CNTNAP2: variants seen among roughly 807,000 people sequenced by gnomAD.
The protein encoded by CNTNAP2 is contactin-associated protein-like 2.
In CNTNAP2, 98 loss-of-function variants were observed where a neutral mutation model predicts 155.2. The ratio of observed to expected loss-of-function variants is 0.63; its 90% CI spans 0.54 to 0.75. The LOEUF (loss-of-function observed/expected upper bound fraction) is 0.75, where lower values mean the gene tolerates loss of function less well. Among genes scored for constraint, CNTNAP2 ranks in the 30% least tolerant of loss-of-function variants. The pLI is 0.00. For synonymous variants in CNTNAP2, 651 were observed against 631.2 expected (o/e 1.03, Z -0.47); for missense variants, 1,727 against 1,688.1 (o/e 1.02, Z -0.40).
At chr7:147,287,606 G>C (rs746967978) in intron 8 of CNTNAP2, among the ~76,000 whole-genome samples, 4 of 141,636 alleles carry the variant, frequency 2.8e-5, no homozygotes, top group Admixed American at 1.4e-4. Flanking sequence ...ATCTTGCCCC[G>C]TGACTTACAC....
intron 13 of CNTNAP2, among the ~76,000 whole-genome samples, chr7:147,869,888 A>G (rs1487429814): frequency 1.3e-5 from 2 of 152,206 alleles, no homozygotes; most frequent in Non-Finnish European, 2.9e-5. Flanking sequence ...TAAATTGATT[A>G]TCTTGATCTT....
At chr7:147,459,927 G>A (rs1340269084) in intron 10 of CNTNAP2, among the ~76,000 whole-genome samples, 1 of 152,100 alleles carries the variant, frequency 6.6e-6, no homozygotes, top group Non-Finnish European at 1.5e-5. Flanking sequence ...TCATTCATAA[G>A]TGGGAGTTGA....
intron 13 of CNTNAP2, among the ~76,000 whole-genome samples, chr7:147,695,073 C>A (rs942715588): frequency 6.6e-6 from 1 of 151,934 alleles, no homozygotes; most frequent in African/African-American, 2.4e-5. Context: ...TTAAATTTTT[C>A]TTGTAATTTA....
chr7:148,396,779 T>C (rs1188503383), intron 22 of CNTNAP2, among the ~76,000 whole-genome samples: 1 of 152,224 alleles, frequency 6.6e-6, no homozygotes, highest in Non-Finnish European at 1.5e-5. Flanking sequence ...AGATTCCTAA[T>C]TCTGCTGTTG....
At chr7:147,896,778 C>T (rs537021237) in intron 13 of CNTNAP2, among the ~76,000 whole-genome samples, 154 of 152,224 alleles carry the variant, frequency 1.0e-3, no homozygotes, top group African/African-American at 3.0e-3. Flanking sequence ...TCTAATCTTG[C>T]GGCTAATGTT....
At chr7:146,897,324 G>A (rs1340911317) in intron 3 of CNTNAP2, among the ~76,000 whole-genome samples, 1 of 152,100 alleles carries the variant, frequency 6.6e-6, no homozygotes, top group Non-Finnish European at 1.5e-5. Flanking sequence ...AATAAGGTAG[G>A]CCATGTTTGA....
chr7:147,633,895 G>A (rs977434206), intron 12 of CNTNAP2, among the ~76,000 whole-genome samples: 3 of 152,080 alleles, frequency 2.0e-5, no homozygotes, highest in African/African-American at 7.2e-5. Flanking sequence ...AGCAACATGA[G>A]CATGGACTAA....
chr7:146,489,602 A>G (rs1797109151), intron 1 of CNTNAP2, among the ~76,000 whole-genome samples: 1 of 152,136 alleles, frequency 6.6e-6, no homozygotes, highest in Non-Finnish European at 1.5e-5. Flanking sequence ...TGGCCTTGGA[A>G]CTGTCATTGG....
chr7:147,970,254 AG>A (rs1255878769), intron 14 of CNTNAP2, among the ~76,000 whole-genome samples: 1 of 152,192 alleles, frequency 6.6e-6, no homozygotes. Context: ...AACAACCCAA[AG>A]ATTATTTAAT....
intron 14 of CNTNAP2, among the ~76,000 whole-genome samples, chr7:147,915,753 G>T: frequency 6.7e-6 from 1 of 149,240 alleles, no homozygotes; most frequent in South Asian, 2.2e-4. Context: ...TGGGTGGCGG[G>T]CGGGGGTGAA....
At chr7:146,153,031 T>G (rs1414171642) in intron 1 of CNTNAP2, among the ~76,000 whole-genome samples, 2 of 152,162 alleles carry the variant, frequency 1.3e-5, no homozygotes, top group African/African-American at 2.4e-5. Context: ...CTTGTCCTCA[T>G]AGGGTTTCGT....
intron 14 of CNTNAP2, among the ~76,000 whole-genome samples, chr7:147,935,220 G>T (rs1006445607): frequency 6.6e-6 from 1 of 151,720 alleles, no homozygotes; most frequent in African/African-American, 2.4e-5. Context: ...TGTGCCTCCC[G>T]GGGTCAAGCG....
At chr7:146,515,274 C>G (rs1036722373) in intron 1 of CNTNAP2, among the ~76,000 whole-genome samples, 2 of 152,060 alleles carry the variant, frequency 1.3e-5, no homozygotes, top group Admixed American at 6.6e-5. Context: ...AATTAACTTA[C>G]TGCAGAGGAA....
chr7:146,430,914 C>G (rs73738769), intron 1 of CNTNAP2, among the ~76,000 whole-genome samples: 2,166 of 152,108 alleles, frequency 0.014, 44 homozygotes, highest in African/African-American at 0.049. Flanking sequence ...AACAGTTAAT[C>G]TATTCGTCGT....
chr7:147,244,439 C>A (rs1804012656), intron 8 of CNTNAP2, among the ~76,000 whole-genome samples: 1 of 152,124 alleles, frequency 6.6e-6, no homozygotes, highest in Non-Finnish European at 1.5e-5. Context: ...ATATATAATT[C>A]TCAGATTTCC....
chr7:147,294,166 T>C (rs566970094), intron 8 of CNTNAP2, among the ~76,000 whole-genome samples: 1 of 152,322 alleles, frequency 6.6e-6, no homozygotes, highest in East Asian at 1.9e-4. Flanking sequence ...TGACCCCAAA[T>C]ATAAGGCAAT....
intron 15 of CNTNAP2, among the ~76,000 whole-genome samples, chr7:148,072,087 T>C (rs1274134211): frequency 1.3e-5 from 2 of 152,206 alleles, no homozygotes; most frequent in Non-Finnish European, 2.9e-5. Flanking sequence ...CCCACACATA[T>C]ACTTATTTAT....
At chr7:147,894,970 T>TC (rs1799754727) in intron 13 of CNTNAP2, among the ~76,000 whole-genome samples, 1 of 111,654 alleles carries the variant, frequency 9.0e-6, no homozygotes, top group Non-Finnish European at 1.9e-5. Flanking sequence ...TCTTTCTTTT[T>TC]TTTTTTTTTT....
chr7:146,610,655 C>G (rs896698228), intron 1 of CNTNAP2, among the ~76,000 whole-genome samples: 3 of 152,184 alleles, frequency 2.0e-5, no homozygotes, highest in African/African-American at 4.8e-5. Context: ...AGCTCCTCCT[C>G]TAATAATCTT....
Sources: gnomAD v4.1 joint callset for allele counts (sites outside exome capture counted in the v4.1 genomes callset) on GRCh38, gnomAD v4.1.1 for gene constraint, MANE v1.5 for transcripts, NCBI Gene and HGNC (gene_info 2026-07-23, HGNC 2026-07-21) for gene names.